The following BRAF variants were observed in gnomAD, a reference collection of about 807,000 sequenced individuals.
BRAF encodes serine/threonine-protein kinase B-raf.
In BRAF, 16 loss-of-function variants were observed where a neutral mutation model predicts 104.6. That is an observed-to-expected ratio of 0.15 (90% CI 0.10 to 0.23). The LOEUF is 0.23. Among genes scored for constraint, BRAF ranks in the 10% least tolerant of loss-of-function variants. The pLI, the probability that BRAF is intolerant of heterozygous loss-of-function variation, is 1.00. For synonymous variants in BRAF, 310 were observed against 341.6 expected (o/e 0.91, Z 1.02); for missense variants, 541 against 937.3 (o/e 0.58, Z 5.52).
intron 1 of BRAF, among the ~76,000 whole-genome samples, chr7:140,874,524 A>G (rs76242183): frequency 2.1e-5 from 3 of 144,698 alleles, no homozygotes; most frequent in African/African-American, 7.9e-5. Flanking sequence ...TTTTTAAAAG[A>G]AAAAAAGTAA....
chr7:140,870,468 T>C (rs1385838162), intron 1 of BRAF, among the ~76,000 whole-genome samples: 1 of 152,192 alleles, frequency 6.6e-6, no homozygotes, highest in Non-Finnish European at 1.5e-5. Context: ...TAGTTTAGAC[T>C]ATTTACAATA....
chr7:140,725,641 G>C lies in BRAF; in HGVS notation c.*853C>G, dbSNP rs188964443. The C allele has an allele frequency of 9.0e-5, 95 of 1,058,458 alleles. No individual in the cohort carries two copies. The Admixed American group carries it at 5.1e-3, about 57-fold the overall frequency. 65.6% of individuals were successfully genotyped at this position (1,058,458 alleles called of 1,614,324 possible). ...TAGCCGCATAAGTAGTTGGTGACTG[G>C]AAGAGCATAGGAGGAAGATATAAAC... is the stretch of plus-strand genomic sequence containing the variant. On this transcript the variant is annotated 3_prime_UTR_variant, in exon 20 of 20. Coordinates refer to ENST00000644969, the MANE Select transcript of BRAF (RefSeq NM_001374258.1).
intron 11 of BRAF, among the ~76,000 whole-genome samples, chr7:140,782,657 T>G (rs1197136481): frequency 1.3e-5 from 2 of 152,214 alleles, no homozygotes; most frequent in African/African-American, 4.8e-5. Flanking sequence ...TGGATTCATT[T>G]TGCAGAAGAA....
intron 16 of BRAF, among the ~76,000 whole-genome samples, chr7:140,750,256 C>T (rs1480167773): frequency 6.6e-6 from 1 of 152,142 alleles, no homozygotes; most frequent in Non-Finnish European, 1.5e-5. Flanking sequence ...GTGACAATGT[C>T]AATTTGACAG....
intron 1 of BRAF, among the ~76,000 whole-genome samples, chr7:140,887,260 T>C (rs1436372231): frequency 2.0e-5 from 3 of 152,154 alleles, no homozygotes; most frequent in East Asian, 3.9e-4. Context: ...CTATAGTCAA[T>C]GTAATTATGT....
At chr7:140,770,059 G>A (rs1799692374) in intron 14 of BRAF, among the ~76,000 whole-genome samples, 1 of 152,208 alleles carries the variant, frequency 6.6e-6, no homozygotes, top group African/African-American at 2.4e-5. Context: ...CTAATCCTAT[G>A]AACATTTGAT....
intron 1 of BRAF, among the ~76,000 whole-genome samples, chr7:140,885,083 C>A (rs1237078957): frequency 6.6e-6 from 1 of 152,124 alleles, no homozygotes; most frequent in East Asian, 1.9e-4. Context: ...CTCACTTCAA[C>A]CTTGGCCTCC....
intron 1 of BRAF, among the ~76,000 whole-genome samples, chr7:140,869,433 G>A (rs1811321511): frequency 6.6e-6 from 1 of 152,086 alleles, no homozygotes; most frequent in Non-Finnish European, 1.5e-5. Flanking sequence ...AGGAATTCGA[G>A]ACCTACCTGG....
intron 1 of BRAF, among the ~76,000 whole-genome samples, chr7:140,903,578 G>T (rs1815923587): frequency 6.6e-6 from 1 of 152,166 alleles, no homozygotes; most frequent in South Asian, 2.1e-4. Flanking sequence ...CATGGATCAA[G>T]AAGTAATTGT....
chr7:140,850,241 A>T, intron 1 of BRAF, 29 bp from the exon 2 acceptor site: 1 of 1,487,474 alleles, frequency 6.7e-7, no homozygotes, highest in Non-Finnish European at 9.4e-7. Context: ...GAATTTAAAT[A>T]AAAATCACTT....
At position 140,743,653 on chromosome 7, in the gene BRAF, G is replaced by A. The variant is rs200451875; in HGVS notation, c.2113-3707C>T. On this transcript the variant is annotated intron_variant, in intron 17 of 19. Coordinates refer to ENST00000644969, the MANE Select transcript of BRAF (RefSeq NM_001374258.1). Reference sequence around the variant, plus strand: ...ATGAGTTAATGGGTGCAGCACACCAGCATGGCACATGTATACATATGTAAC... The same window carrying A: ...ATGAGTTAATGGGTGCAGCACACCAACATGGCACATGTATACATATGTAAC... Among the ~76,000 whole-genome samples, 8 of 151,738 alleles carry A rather than the reference G, an allele frequency of 5.3e-5. No individual in the cohort carries two copies. The East Asian group carries it at 7.8e-4, about 15-fold the overall frequency.
intron 3 of BRAF, among the ~76,000 whole-genome samples, chr7:140,832,799 A>T (rs986829528): frequency 6.6e-6 from 1 of 152,106 alleles, no homozygotes; most frequent in African/African-American, 2.4e-5. Flanking sequence ...TCTTTTTAAA[A>T]GGGAAATTAT....
chr7:140,826,063 T>C (rs1377050704), intron 3 of BRAF, among the ~76,000 whole-genome samples: 1 of 152,186 alleles, frequency 6.6e-6, no homozygotes, highest in Non-Finnish European at 1.5e-5. Context: ...TCTTTTATAT[T>C]TTCTATAACT....
chr7:140,839,244 G>A (rs970535516), intron 2 of BRAF, among the ~76,000 whole-genome samples: 3 of 152,122 alleles, frequency 2.0e-5, no homozygotes, highest in East Asian at 3.9e-4. Flanking sequence ...GGAGGTCAAC[G>A]CTGGAGGATC....
chr7:140,716,717 TGTTA>T (rs1233403735), downstream of BRAF, among the ~76,000 whole-genome samples: 1 of 152,248 alleles, frequency 6.6e-6, no homozygotes, highest in African/African-American at 2.4e-5. Context: ...TTTGTAACTT[TGTTA>T]GTTTCCTAGG....
chr7:140,788,852 G>A (rs1305080195), intron 8 of BRAF, among the ~76,000 whole-genome samples: 1 of 151,736 alleles, frequency 6.6e-6, no homozygotes, highest in African/African-American at 2.4e-5. Context: ...GCCTCCCAAA[G>A]TGCTGGGATT....
intron 14 of BRAF, among the ~76,000 whole-genome samples, chr7:140,760,935 G>A (rs1243303345): frequency 9.9e-5 from 15 of 152,108 alleles, no homozygotes. Context: ...AAAGTGACGG[G>A]GAGAATGGAA....
At chr7:140,743,405 G>C (rs1797090325) in intron 17 of BRAF, among the ~76,000 whole-genome samples, 2 of 152,090 alleles carry the variant, frequency 1.3e-5, no homozygotes, top group African/African-American at 4.8e-5. Flanking sequence ...AAAAAATGAT[G>C]AGTTCATGTC....
chr7:140,922,511 A>T (rs1018599408), intron 1 of BRAF, among the ~76,000 whole-genome samples: 6 of 152,226 alleles, frequency 3.9e-5, no homozygotes, highest in Admixed American at 6.5e-5. Context: ...TTCCCAAGAT[A>T]AACAATTTTA....
Sources: allele counts gnomAD v4.1 joint callset (sites outside exome capture counted in the v4.1 genomes callset), GRCh38; gene constraint gnomAD v4.1.1; transcripts MANE v1.5; gene names NCBI Gene and HGNC (gene_info 2026-07-23, HGNC 2026-07-21).